LRRC28: variants seen among roughly 807,000 people sequenced by gnomAD.
LRRC28 encodes the protein leucine-rich repeat-containing protein 28.
In LRRC28, 39 loss-of-function variants were observed where a neutral mutation model predicts 45.7. The observed-to-expected ratio is 0.85, with a 90% CI of 0.66 to 1.12. The LOEUF is 1.12. Among genes scored for constraint, LRRC28 ranks in the 50% most tolerant of loss-of-function variants. The pLI, the probability that LRRC28 is intolerant of heterozygous loss-of-function variation, is 0.00. For synonymous variants in LRRC28, 206 were observed against 178.8 expected (o/e 1.15, Z -1.22); for missense variants, 435 against 438.5 (o/e 0.99, Z 0.07).
intron 4 of LRRC28, 51 bp from the exon 5 acceptor site, chr15:99,287,763 G>T: frequency 6.5e-7 from 1 of 1,536,224 alleles, no homozygotes; most frequent in South Asian, 1.3e-5. Context: ...TTAAAGATTT[G>T]ATGTAATACT....
At chr15:99,291,850 T>G (rs2082130023) in intron 5 of LRRC28, among the ~76,000 whole-genome samples, 2 of 152,244 alleles carry the variant, frequency 1.3e-5, no homozygotes, top group Admixed American at 6.5e-5. Flanking sequence ...GTTGTCTGTT[T>G]GTTTAGCCAT....
chr15:99,368,283 C>G (rs554638950), intron 9 of LRRC28, among the ~76,000 whole-genome samples: 1 of 152,182 alleles, frequency 6.6e-6, no homozygotes, highest in East Asian at 1.9e-4. Flanking sequence ...ACCTATGAAA[C>G]CAGATAACAA....
chr15:99,360,562 C>A (rs1957172246), intron 7 of LRRC28, among the ~76,000 whole-genome samples: 1 of 152,248 alleles, frequency 6.6e-6, no homozygotes, highest in African/African-American at 2.4e-5. Context: ...AGTCCTGTCC[C>A]CTAAGCTTCA....
Position 99,259,872 on chromosome 15 carries a change from C to G in LRRC28, c.168+3747C>G, listed in dbSNP as rs987433692. On this transcript the variant is annotated intron_variant, in intron 2 of 9. Transcript: ENST00000301981. ...TGCCTTGCCTCAGTTTGAACACATC[C>G]TGATGCAAAGGTGGAAGAACCCGAC... 22 of 776,308 alleles carry G rather than the reference C, an allele frequency of 2.8e-5. No individual in the cohort carries two copies. The African/African-American group carries it at 3.2e-4, about 11-fold the overall frequency. The allele number at this position is 776,308 out of a possible 1,614,324, so 48.1% of individuals were successfully genotyped here. A position where few individuals can be genotyped will look rare whatever the true frequency, so the allele number is the denominator to read the frequency against.
chr15:99,297,056 C>T (rs2082282874), intron 5 of LRRC28, among the ~76,000 whole-genome samples: 1 of 151,768 alleles, frequency 6.6e-6, no homozygotes, highest in African/African-American at 2.4e-5. Context: ...TGGTGGGCGC[C>T]TGTAATCCCA....
At position 99,387,414 on chromosome 15, in the gene LRRC28, G is replaced by C. The variant is rs771171841; in HGVS notation, c.*1312G>C. On this transcript the variant is annotated 3_prime_UTR_variant, in exon 10 of 10. Transcript: ENST00000301981. ...AGTACAGCCCGTGCACATTTACTTCGTCACCTGGTGCACCACACTGTCTTC... is the reference window on the plus strand; with the variant it reads ...AGTACAGCCCGTGCACATTTACTTCCTCACCTGGTGCACCACACTGTCTTC... 1.3e-5 allele frequency: 2 copies of C among 152,154 alleles called. No homozygotes were observed. Among genetic ancestry groups the C allele is most frequent in the African/African-American group, 2.4e-5 (1 of 41,416 alleles). The allele number at this position is 152,154 out of a possible 1,614,324, so 9.4% of individuals were successfully genotyped here.
chr15:99,338,292 C>T (rs190074469), intron 6 of LRRC28: 19 of 152,464 alleles, frequency 1.2e-4, no homozygotes, highest in Admixed American at 2.6e-4. Flanking sequence ...TAAAACCTTT[C>T]CATGAACCGT....
intron 2 of LRRC28, chr15:99,258,863 T>A (rs1425274641): frequency 1.4e-6 from 1 of 706,602 alleles, no homozygotes; most frequent in Non-Finnish European, 2.7e-6. Flanking sequence ...GCGCTGTGTA[T>A]TCATCACAGA....
chr15:99,356,854 A>G (rs151179112), intron 7 of LRRC28, among the ~76,000 whole-genome samples: 243 of 152,352 alleles, frequency 1.6e-3, no homozygotes, highest in African/African-American at 5.7e-3. Context: ...ATTTCTCATC[A>G]GAAACTTTGA....
chr15:99,296,915 G>T (rs2082278855), intron 5 of LRRC28, among the ~76,000 whole-genome samples: 1 of 152,166 alleles, frequency 6.6e-6, no homozygotes, highest in African/African-American at 2.4e-5. Context: ...TTGGTACACA[G>T]TGCTGAGACT....
intron 5 of LRRC28, among the ~76,000 whole-genome samples, chr15:99,292,613 C>T (rs1372577417): frequency 6.6e-6 from 1 of 152,122 alleles, no homozygotes; most frequent in Admixed American, 6.5e-5. Flanking sequence ...ATCCACCCGC[C>T]TCGGCCTCCC....
intron 6 of LRRC28, among the ~76,000 whole-genome samples, chr15:99,348,310 C>T (rs1258779044): frequency 2.6e-5 from 4 of 151,820 alleles, no homozygotes; most frequent in African/African-American, 7.3e-5. Flanking sequence ...TTTTTGTAGC[C>T]TGAGCTTTTG....
At chr15:99,299,039 A>G (rs975421155) in intron 5 of LRRC28, among the ~76,000 whole-genome samples, 1 of 152,202 alleles carries the variant, frequency 6.6e-6, no homozygotes, top group Non-Finnish European at 1.5e-5. Flanking sequence ...TCAGCTTGCA[A>G]TATTTTAGAT....
intron 2 of LRRC28, among the ~76,000 whole-genome samples, chr15:99,263,305 T>C (rs565388848): frequency 7.5e-6 from 1 of 133,740 alleles, no homozygotes; most frequent in Admixed American, 8.3e-5. Flanking sequence ...GGTGACAAAG[T>C]GAGACCCTGT....
Position 99,333,957 on chromosome 15 carries a change from C to T in LRRC28, c.420C>T (p.Asp140=). The change falls in exon 6 of 10, where the codon GAC becomes GAT. Residue 140 remains aspartate (D), a synonymous_variant. Transcript: ENST00000301981. ...ATTTGAAGGAGCTGCAGACACTAGA[C>T]ATTTCTACCAATCGTTTGCTAACTT... The part of the protein sequence containing the change: ...VGDLKELQTL[D]ISTNRLLTLP... 6.2e-7 allele frequency: 1 copy of T among 1,614,074 alleles called. No individual in the cohort carries two copies. The highest frequency in any genetic ancestry group is 8.5e-7 in the Non-Finnish European group (1 of 1,179,992).
intron 3 of LRRC28, among the ~76,000 whole-genome samples, chr15:99,280,463 T>G (rs2081753966): frequency 6.6e-6 from 1 of 151,496 alleles, no homozygotes; most frequent in Admixed American, 6.6e-5. Context: ...TTTTTAAAAT[T>G]TTTTTCTGGG....
At chr15:99,324,281 G>A (rs1426690232) in intron 5 of LRRC28, among the ~76,000 whole-genome samples, 2 of 152,014 alleles carry the variant, frequency 1.3e-5, no homozygotes, top group East Asian at 1.9e-4. Flanking sequence ...TAAAACTTAC[G>A]GACGGTTAAT....
intron 2 of LRRC28, 139 bp from the exon 3 acceptor site, chr15:99,276,437 C>A: frequency 1.8e-6 from 1 of 570,804 alleles, no homozygotes; most frequent in Non-Finnish European, 3.0e-6. Flanking sequence ...AGAATAAAAC[C>A]CAGACCTGCT....
chr15:99,263,341 G>A (rs1597164525), intron 2 of LRRC28, among the ~76,000 whole-genome samples: 2 of 147,288 alleles, frequency 1.4e-5, no homozygotes, highest in African/African-American at 5.0e-5. Context: ...AAAAAAAGAA[G>A]TAGTTAAGAA....
Sources: allele counts gnomAD v4.1 joint callset (sites outside exome capture counted in the v4.1 genomes callset), GRCh38; gene constraint gnomAD v4.1.1; transcripts MANE v1.5; gene names NCBI Gene and HGNC (gene_info 2026-07-23, HGNC 2026-07-21).